Variants in HDGFL2 observed in about 807,000 individuals in gnomAD.
HDGFL2 encodes hepatoma-derived growth factor-related protein 2.
Under a neutral mutation model 77.1 loss-of-function variants are expected in HDGFL2, and 36 were observed. That is an observed-to-expected ratio of 0.47 (90% CI 0.36 to 0.62). HDGFL2 has a LOEUF of 0.62. HDGFL2 is among the 20% of genes least tolerant of loss of function. The pLI is 0.00. For missense variants in HDGFL2, 976 were observed against 973.4 expected (o/e 1.00, Z -0.04); for synonymous variants, 463 against 413.1 (o/e 1.12, Z -1.46).
rs201046395 is a variant in HDGFL2, at chr19:4,475,499, C to T, written c.204C>T (p.Tyr68=). The part of the protein sequence containing the change: ...LFPYDKCKDK[Y]GKPNKRKGFN... The stretch of plus-strand genomic sequence containing the variant: ...CCTACGACAAATGTAAAGACAAGTA[C>T]GGGAAGCCCAACAAGAGGAAAGGCT... Residue 68 remains tyrosine, a synonymous_variant, in exon 3 of 16, where the codon TAC becomes TAT. Coordinates refer to ENST00000616600, the MANE Select transcript of HDGFL2 (RefSeq NM_001001520.3). 3 of 1,607,018 alleles carry T rather than the reference C, an allele frequency of 1.9e-6. No individual in the cohort carries two copies. Among genetic ancestry groups the T allele is most frequent in the South Asian group, 1.1e-5 (1 of 90,400 alleles).
chr19:4,492,886 GTTAT>G, intron 6 of HDGFL2, among the ~76,000 whole-genome samples: 1 of 115,684 alleles, frequency 8.6e-6, no homozygotes, highest in East Asian at 2.2e-4. Context: ...TGTGGTGTGT[GTTAT>G]CTGTGGTGTG....
intron 14 of HDGFL2, among the ~76,000 whole-genome samples, chr19:4,500,126 CAGG>C (rs1975819859): frequency 6.6e-6 from 1 of 152,182 alleles, no homozygotes; most frequent in South Asian, 2.1e-4. Context: ...GGTGGGCCGA[CAGG>C]AGATGAGGTG....
chr19:4,488,576 A>G (rs1479721089), intron 3 of HDGFL2, 100 bp from the exon 4 acceptor site: 2 of 1,061,608 alleles, frequency 1.9e-6, no homozygotes, highest in Admixed American at 2.4e-5. Context: ...CCTGACATTC[A>G]GGATCCCGCA....
chr19:4,498,161 G>A (rs1294861569), intron 11 of HDGFL2, 130 bp downstream of exon 11: 16 of 1,142,554 alleles, frequency 1.4e-5, no homozygotes, highest in Non-Finnish European at 1.9e-5. Context: ...GGCCTGGCCG[G>A]CGGTGCCTCC....
intron 15 of HDGFL2, 28 bp from the exon 16 acceptor site, chr19:4,501,883 C>T (rs778358659): frequency 7.1e-7 from 1 of 1,416,848 alleles, no homozygotes; most frequent in East Asian, 2.7e-5. Context: ...GGAGGGCATC[C>T]TCACACCGCC....
rs1217821843 is a variant in HDGFL2, at chr19:4,501,282, G to C, written c.1881G>C (p.Glu627Asp). 1 of 1,611,034 alleles carries C rather than the reference G, an allele frequency of 6.2e-7. No homozygotes were observed. Among genetic ancestry groups the C allele is most frequent in the Non-Finnish European group, 8.5e-7 (1 of 1,178,382 alleles). ...KEHEEGRDSE[E>D]GPRCGSSEDL... is the part of the protein sequence containing the mutation. ...ACGAGGAGGGTCGGGACTCGGAGGA[G>C]GGGCCAAGGTGTGGCTCCTCTGAAG... Residue 627 changes from glutamate to aspartate, a missense_variant, in exon 15 of 16, where the codon GAG becomes GAC. Physicochemically the swap from Glu to Asp is conservative, Grantham distance 45. Transcript: ENST00000616600.
chr19:4,481,211 G>A (rs1218910877), intron 3 of HDGFL2, among the ~76,000 whole-genome samples: 1 of 72,988 alleles, frequency 1.4e-5, no homozygotes, highest in Admixed American at 1.9e-4. Flanking sequence ...TTTTTTTTGT[G>A]ATGGAGTCTT....
chr19:4,498,999 G>T, intron 13 of HDGFL2, 84 bp downstream of exon 13: 1 of 946,040 alleles, frequency 1.1e-6, no homozygotes, highest in South Asian at 1.4e-5. Flanking sequence ...CCCCCAGCAG[G>T]TTCCTGTCGG....
rs777086544 is a variant in HDGFL2 at position 4,491,830 on chromosome 19, A to G, written c.673A>G (p.Lys225Glu). ...PRRGPLGGRK[K>E]KKAPSASDSD... The stretch of plus-strand genomic sequence containing the variant: ...GAGGGGCCCTCTGGGGGGACGGAAA[A>G]AAAAGGTAGCGTGCACTTGACTTTG... Residue 225 changes from lysine to glutamate, a missense_variant, in exon 6 of 16, where the codon AAA becomes GAA. Physicochemically the swap from Lys to Glu is moderately conservative, Grantham distance 56. Transcript: ENST00000616600. The G allele has an allele frequency of 1.2e-6, 2 of 1,613,816 alleles. No individual in the cohort carries two copies. Among genetic ancestry groups the G allele is most frequent in the East Asian group, 2.2e-5 (1 of 44,872 alleles).
intron 3 of HDGFL2, among the ~76,000 whole-genome samples, chr19:4,483,497 G>A (rs1055662193): frequency 2.6e-5 from 4 of 152,168 alleles, no homozygotes; most frequent in Non-Finnish European, 5.9e-5. Flanking sequence ...CATTCTGTCC[G>A]GGCATTTCTA....
Position 4,502,047 on chromosome 19 carries a change from A to G in HDGFL2, c.*37A>G, listed in dbSNP as rs968128246. The G allele has an allele frequency of 3.5e-6, 5 of 1,421,934 alleles. No homozygotes were observed. In the Admixed American group the frequency reaches 8.1e-5, roughly 23 times the overall value. The allele number at this position is 1,421,934 out of a possible 1,614,324, so 88.1% of individuals were successfully genotyped here. ...CCAGGCCCAGCCCCCGCCCGAGCTC[A>G]GGCTGCCCCTCTCCTTCCCCGGCTC... On this transcript the variant is annotated 3_prime_UTR_variant, in exon 16 of 16. Transcript: ENST00000616600.
intron 3 of HDGFL2, among the ~76,000 whole-genome samples, chr19:4,482,454 C>T (rs1568206511): frequency 6.6e-6 from 1 of 152,060 alleles, no homozygotes. Flanking sequence ...ATGATCCACC[C>T]CTATCGGCCT....
chr19:4,501,819 G>T (rs1232176560), intron 15 of HDGFL2, 92 bp from the exon 16 acceptor site: 9 of 931,690 alleles, frequency 9.7e-6, no homozygotes, highest in African/African-American at 5.1e-5. Context: ...CACAACGGGG[G>T]TACACTCCTC....
rs781198338 is a variant in HDGFL2 at position 4,494,482 on chromosome 19, C to T, written c.1224+7C>T. On this transcript the variant is annotated splice_region_variant and intron_variant, in intron 9 of 15. Transcript: ENST00000616600. ...GGCCGAGCTGGAGAGAGAGGTGAGC[C>T]GGGAGGGCGCCGGGAGTCCCTGCCT... 63 of 1,374,608 alleles carry T rather than the reference C, an allele frequency of 4.6e-5. No homozygotes were observed. Among genetic ancestry groups the T allele is most frequent in the Non-Finnish European group, 4.8e-5 (51 of 1,067,886 alleles). 85.2% of individuals were successfully genotyped at this position (1,374,608 alleles called of 1,614,324 possible).
At chr19:4,491,975 C>T in intron 6 of HDGFL2, 140 bp downstream of exon 6, 1 of 745,772 alleles carries the variant, frequency 1.3e-6, no homozygotes, top group Non-Finnish European at 2.2e-6. Flanking sequence ...ACCGCCTCTG[C>T]CCTGAGCGTG....
At chr19:4,491,253 A>T (rs947858102) in intron 4 of HDGFL2, among the ~76,000 whole-genome samples, 1 of 25,242 alleles carries the variant, frequency 4.0e-5, no homozygotes, top group African/African-American at 1.5e-4. Context: ...CCCACCACCC[A>T]CCCCCCCACC....
chr19:4,498,903 C>T lies in HDGFL2; in HGVS notation c.1563C>T (p.Ala521=). Residue 521 remains alanine, a synonymous_variant, in exon 13 of 16, where the codon GCC becomes GCT. Transcript: ENST00000616600. ...TCCAGAAGAACACAGACGTGGTGGC[C>T]ACCTTGAAGAAGGTATGGCGGGGGA... The part of the protein sequence containing the change: ...QILQKNTDVV[A]TLKKIRRYKA... The T allele has an allele frequency of 6.2e-7, 1 of 1,608,862 alleles. No homozygotes were observed. Among genetic ancestry groups the T allele is most frequent in the South Asian group, 1.1e-5 (1 of 90,412 alleles).
At chr19:4,490,523 CAG>C (rs1975479738) in intron 4 of HDGFL2, among the ~76,000 whole-genome samples, 1 of 152,190 alleles carries the variant, frequency 6.6e-6, no homozygotes, top group Non-Finnish European at 1.5e-5. Flanking sequence ...CGTTTCTGTA[CAG>C]AGTTTTGTGC....
chr19:4,501,989 G>T lies in HDGFL2; in HGVS notation c.1995G>T (p.Glu665Asp). The T allele has an allele frequency of 6.6e-7, 1 of 1,514,408 alleles. No individual in the cohort carries two copies. 93.8% of individuals were successfully genotyped at this position (1,514,408 alleles called of 1,614,324 possible). The change falls in exon 16 of 16, where the codon GAG becomes GAT. Residue 665 changes from glutamate (E) to aspartate (D), a missense_variant. Coordinates refer to ENST00000616600, the MANE Select transcript of HDGFL2 (RefSeq NM_001001520.3). ...GCGAGAGGGCACGGGGGGACTCGGA[G>T]GCCCTGGACGAGGAGAGCTGAGCCG... ...QERERARGDSEALDEES is the reference protein window; with the variant it reads ...QERERARGDSDALDEES
Sources: gnomAD v4.1 joint callset for allele counts (sites outside exome capture counted in the v4.1 genomes callset) on GRCh38, gnomAD v4.1.1 for gene constraint, MANE v1.5 for transcripts, NCBI Gene and HGNC (gene_info 2026-07-23, HGNC 2026-07-21) for gene names.